Variants in CNTNAP5 observed in about 807,000 individuals in gnomAD.
CNTNAP5 encodes the protein contactin-associated protein-like 5.
Under a neutral mutation model 150.2 loss-of-function variants are expected in CNTNAP5, and 72 were observed. That is an observed-to-expected ratio of 0.48 (90% CI 0.40 to 0.58). The LOEUF (loss-of-function observed/expected upper bound fraction) is 0.58. CNTNAP5 is among the 20% of genes least tolerant of loss of function. CNTNAP5 has a pLI of 0.00. For synonymous variants in CNTNAP5, 672 were observed against 619.8 expected (o/e 1.08, Z -1.25); for missense variants, 1,636 against 1,626.2 (o/e 1.01, Z -0.10).
At chr2:124,765,437 A>T (rs2104602442) in intron 16 of CNTNAP5, among the ~76,000 whole-genome samples, 1 of 148,944 alleles carries the variant, frequency 6.7e-6, no homozygotes, top group South Asian at 2.2e-4. Context: ...ATACAGATGA[A>T]AAATGAGAAC....
At chr2:124,321,107 T>G (rs1338297746) in intron 3 of CNTNAP5, among the ~76,000 whole-genome samples, 6 of 152,028 alleles carry the variant, frequency 3.9e-5, no homozygotes, top group Non-Finnish European at 8.8e-5. Context: ...GCTTACCCCA[T>G]TGTAAGGATG....
intron 3 of CNTNAP5, among the ~76,000 whole-genome samples, chr2:124,273,007 A>T (rs1387452541): frequency 6.6e-6 from 1 of 152,180 alleles, no homozygotes. Flanking sequence ...GTGCTAAAAT[A>T]TAGAAGGCAC....
intron 13 of CNTNAP5, among the ~76,000 whole-genome samples, chr2:124,673,886 T>C (rs888575031): frequency 6.6e-6 from 1 of 152,122 alleles, no homozygotes; most frequent in African/African-American, 2.4e-5. Context: ...ACATTAAATG[T>C]ACTCACAAAA....
chr2:124,646,183 T>C (rs1678198410), intron 12 of CNTNAP5, among the ~76,000 whole-genome samples: 3 of 152,250 alleles, frequency 2.0e-5, no homozygotes. Context: ...TTCTAATATG[T>C]TGAAACTAAG....
chr2:124,244,899 G>A lies in CNTNAP5; in HGVS notation c.381+2506G>A, dbSNP rs541507161. ...CATCTCCAGGAACAAGAGGCTTGAG[G>A]CTCACAGAGCCCAATCCAAGCTCAC... On this transcript the variant is annotated intron_variant, in intron 3 of 23. Coordinates refer to ENST00000682447, the MANE Select transcript of CNTNAP5 (RefSeq NM_001367498.1). Among the ~76,000 whole-genome samples the A allele has an allele frequency of 2.6e-5, 4 of 152,264 alleles. No individual in the cohort carries two copies. In the South Asian group the frequency reaches 6.2e-4, roughly 24 times the overall value.
At chr2:124,128,781 A>T (rs888312339) in intron 1 of CNTNAP5, among the ~76,000 whole-genome samples, 1 of 152,178 alleles carries the variant, frequency 6.6e-6, no homozygotes. Flanking sequence ...TGAAGCTGGA[A>T]ACCATCATTC....
chr2:124,160,051 T>C (rs1267242745), intron 1 of CNTNAP5, among the ~76,000 whole-genome samples: 1 of 152,146 alleles, frequency 6.6e-6, no homozygotes, highest in East Asian at 1.9e-4. Flanking sequence ...TCTCTTATTA[T>C]ACATGCAGGA....
chr2:124,415,734 TG>T (rs1691901527), intron 3 of CNTNAP5, among the ~76,000 whole-genome samples: 1 of 152,166 alleles, frequency 6.6e-6, no homozygotes, highest in Non-Finnish European at 1.5e-5. Context: ...ATGATTGGGA[TG>T]ATGAAAACGT....
At chr2:124,247,785 G>A (rs770553950) in intron 3 of CNTNAP5, among the ~76,000 whole-genome samples, 27 of 152,092 alleles carry the variant, frequency 1.8e-4, no homozygotes, top group Middle Eastern at 3.2e-3. Flanking sequence ...GAGCACACTC[G>A]TATCTTTTTA....
intron 13 of CNTNAP5, among the ~76,000 whole-genome samples, chr2:124,688,831 C>A (rs182681294): frequency 2.0e-5 from 3 of 151,982 alleles, no homozygotes; most frequent in African/African-American, 2.4e-5. Context: ...GTGCCTCATG[C>A]GGACAAGGTC....
chr2:124,632,014 T>C (rs1280321265), intron 12 of CNTNAP5, among the ~76,000 whole-genome samples: 1 of 152,034 alleles, frequency 6.6e-6, no homozygotes, highest in Non-Finnish European at 1.5e-5. Flanking sequence ...CACAATGAGA[T>C]ACTATCTCAC....
At chr2:124,538,868 G>T (rs1261952354) in intron 10 of CNTNAP5, among the ~76,000 whole-genome samples, 1 of 152,232 alleles carries the variant, frequency 6.6e-6, no homozygotes, top group East Asian at 1.9e-4. Flanking sequence ...TTACATGATC[G>T]ATATCTCAAT....
chr2:124,039,273 T>C (rs1187938994), intron 1 of CNTNAP5, among the ~76,000 whole-genome samples: 3 of 152,186 alleles, frequency 2.0e-5, no homozygotes, highest in Non-Finnish European at 4.4e-5. Flanking sequence ...AAAAAAGGAA[T>C]CTCATGTTAG....
At chr2:124,060,931 C>G (rs1459691007) in intron 1 of CNTNAP5, among the ~76,000 whole-genome samples, 1 of 152,182 alleles carries the variant, frequency 6.6e-6, no homozygotes, top group African/African-American at 2.4e-5. Flanking sequence ...GTTGACCCAA[C>G]AGTGGATGGA....
chr2:124,427,709 A>T (rs1337925270), intron 4 of CNTNAP5, among the ~76,000 whole-genome samples: 1 of 152,090 alleles, frequency 6.6e-6, no homozygotes, highest in African/African-American at 2.4e-5. Context: ...TGCCTGCCTC[A>T]GCCTCCCAAA....
intron 14 of CNTNAP5, among the ~76,000 whole-genome samples, chr2:124,753,561 G>A (rs756063698): frequency 1.3e-5 from 2 of 152,198 alleles, no homozygotes; most frequent in Non-Finnish European, 2.9e-5. Context: ...GCTATCAAAA[G>A]TAGTTATTTC....
At chr2:124,676,814 C>A (rs1189008049) in intron 13 of CNTNAP5, among the ~76,000 whole-genome samples, 1 of 152,154 alleles carries the variant, frequency 6.6e-6, no homozygotes, top group African/African-American at 2.4e-5. Flanking sequence ...ATTAAAGACT[C>A]CTTGGATGGT....
At chr2:124,237,017 T>C (rs1055131657) in intron 2 of CNTNAP5, among the ~76,000 whole-genome samples, 2 of 151,982 alleles carry the variant, frequency 1.3e-5, no homozygotes, top group Non-Finnish European at 2.9e-5. Context: ...TAATCCCAGC[T>C]TCTCAGGAGG....
intron 11 of CNTNAP5, among the ~76,000 whole-genome samples, chr2:124,566,141 C>CA (rs541609748): frequency 0.13 from 19,416 of 152,046 alleles, 1,511 homozygotes; most frequent in East Asian, 0.26. Context: ...TGTTGCAGGA[C>CA]CCCCATAAGG....
Sources: allele counts gnomAD v4.1 joint callset (sites outside exome capture counted in the v4.1 genomes callset), GRCh38; gene constraint gnomAD v4.1.1; transcripts MANE v1.5; gene names NCBI Gene and HGNC (gene_info 2026-07-23, HGNC 2026-07-21).